Variants in CIDEC observed in about 807,000 individuals in gnomAD.
CIDEC encodes cell death inducing DFFA like effector c.
CIDEC carries 11 observed loss-of-function variants against 21.9 expected under a neutral mutation model. The observed-to-expected ratio is 0.50, with a 90% CI of 0.32 to 0.83. The LOEUF (loss-of-function observed/expected upper bound fraction) is 0.83. Among genes scored for constraint, CIDEC ranks in the 40% least tolerant of loss-of-function variants. The pLI, the probability that CIDEC is intolerant of heterozygous loss-of-function variation, is 0.04. For missense variants in CIDEC, 302 were observed against 302.3 expected (o/e 1.00, Z 0.01); for synonymous variants, 127 against 124.9 (o/e 1.02, Z -0.11).
intron 4 of CIDEC, among the ~76,000 whole-genome samples, chr3:9,871,173 A>ATTT (rs59917579): frequency 6.5e-4 from 78 of 120,142 alleles, no homozygotes; most frequent in South Asian, 1.0e-3. Flanking sequence ...TCTATGTTTA[A>ATTT]TTTTTTTTTT....
chr3:9,867,756 C>T (rs1559246825), intron 6 of CIDEC, among the ~76,000 whole-genome samples: 1 of 152,058 alleles, frequency 6.6e-6, no homozygotes, highest in Non-Finnish European at 1.5e-5. Flanking sequence ...GGCGAAACCC[C>T]GTCTCTACTA....
At chr3:9,869,766 C>T (rs2082319828) in intron 6 of CIDEC, 116 bp downstream of exon 6, 2 of 945,808 alleles carry the variant, frequency 2.1e-6, no homozygotes, top group Non-Finnish European at 1.7e-6. Context: ...ACAGGCTATG[C>T]TTTGTCAGCA....
rs1245988258 is a variant in CIDEC, at chr3:9,867,634, CA to C, written c.555-339del. Among the ~76,000 whole-genome samples the C allele has an allele frequency of 1.5e-4, 22 of 147,542 alleles. No individual in the cohort carries two copies. The South Asian group carries it at 4.8e-3, about 32-fold the overall frequency. ...GATTCAGTCTCAAAAAACAATCAAA[CA>C]AAAAACACAAGGCTGGGCTTGGTGG... is the stretch of plus-strand genomic sequence containing the variant. On this transcript the variant is annotated intron_variant, in intron 6 of 6. Transcript: ENST00000336832.
intron 3 of CIDEC, 77 bp from the exon 4 acceptor site, chr3:9,877,296 C>T: frequency 7.2e-7 from 1 of 1,392,924 alleles, no homozygotes; most frequent in South Asian, 1.2e-5. Context: ...GCCACCTCCC[C>T]ACCCCTCCTG....
intron 4 of CIDEC, among the ~76,000 whole-genome samples, chr3:9,873,159 T>G (rs1419056770): frequency 2.0e-5 from 3 of 152,162 alleles, no homozygotes; most frequent in African/African-American, 4.8e-5. Flanking sequence ...GTCAAGGCCA[T>G]GAAGACTTAC....
rs758769971 is a variant in CIDEC, at chr3:9,878,504, C to G, written c.-18G>C. On this transcript the variant is annotated 5_prime_UTR_variant, in exon 3 of 7. Transcript: ENST00000336832. ...TATTCCATCCTTGTCAGCTGGACTG[C>G]GTTGGACCTGGGAAGGAGGCAGAAA... is the stretch of plus-strand genomic sequence containing the variant. 2 of 1,613,562 alleles carry G rather than the reference C, an allele frequency of 1.2e-6. No homozygotes were observed. Among genetic ancestry groups the G allele is most frequent in the Non-Finnish European group, 1.7e-6 (2 of 1,179,618 alleles).
chr3:9,878,722 G>A lies in CIDEC; in HGVS notation c.-25-211C>T, dbSNP rs11915736. The A allele has an allele frequency of 2.6e-3, 3,988 of 1,531,792 alleles. 86 individuals are homozygous for A. The African/African-American group carries it at 0.046, about 18-fold the overall frequency. 94.9% of individuals were successfully genotyped at this position (1,531,792 alleles called of 1,614,324 possible). ...TGGAGACCCCACCCCTCTCCCCACC[G>A]GGTGCTCAGGCTCAGCCTCACTCAG... On this transcript the variant is annotated intron_variant, in intron 2 of 6. Coordinates refer to ENST00000336832, the MANE Select transcript of CIDEC (RefSeq NM_001321142.2).
chr3:9,869,005 G>A (rs1209740030), intron 6 of CIDEC, among the ~76,000 whole-genome samples: 1 of 152,040 alleles, frequency 6.6e-6, no homozygotes, highest in Non-Finnish European at 1.5e-5. Flanking sequence ...ACACACGGGC[G>A]TGTGATAAAG....
chr3:9,879,159 G>T (rs1484639036), intron 1 of CIDEC, 105 bp from the exon 2 acceptor site: 8 of 80,622 alleles, frequency 9.9e-5, no homozygotes, highest in South Asian at 3.3e-4. Flanking sequence ...TTCAGGAGCT[G>T]AATTTTTTTT....
At chr3:9,870,135 C>T in intron 5 of CIDEC, 29 bp downstream of exon 5, 1 of 1,614,132 alleles carries the variant, frequency 6.2e-7, no homozygotes, top group Non-Finnish European at 8.5e-7. Flanking sequence ...GATTTTCTCC[C>T]CCATCAGGTG....
At position 9,877,221 on chromosome 3, in the gene CIDEC, T is replaced by C. The variant is rs1429444328; in HGVS notation, c.54-2A>G. On this transcript the variant is annotated splice_acceptor_variant, in intron 3 of 6. Transcript: ENST00000336832. LOFTEE classifies it high-confidence loss of function. Reference sequence around the variant, plus strand: ...ACAGAGGTACGCACTGACACATGCCTGGGGCAGTTGAAGCATCAGGGTGAG... The same window carrying C: ...ACAGAGGTACGCACTGACACATGCCCGGGGCAGTTGAAGCATCAGGGTGAG... 1.9e-6 allele frequency: 3 copies of C among 1,549,964 alleles called. No homozygotes were observed. Among genetic ancestry groups the C allele is most frequent in the Non-Finnish European group, 2.6e-6 (3 of 1,146,976 alleles).
Position 9,879,051 on chromosome 3 carries a change from C to A in CIDEC, c.-135G>T. 1 of 577,426 alleles carries A rather than the reference C, an allele frequency of 1.7e-6. No individual in the cohort carries two copies. Among genetic ancestry groups the A allele is most frequent in the Non-Finnish European group, 3.1e-6 (1 of 322,472 alleles). 35.8% of individuals were successfully genotyped at this position (577,426 alleles called of 1,614,324 possible). A position where few individuals can be genotyped will look rare whatever the true frequency, so the allele number is the denominator to read the frequency against. On this transcript the variant is annotated 5_prime_UTR_variant, in exon 2 of 7. The change abolishes an upstream ATG in the 5' untranslated region. Transcript: ENST00000336832. ...TGAGGCTTCACAGTGGCCAAAAGAA[C>A]ATTCTGTGATGATAGAGGCATGCCT...
chr3:9,870,218 AT>A lies in CIDEC; in HGVS notation c.311del (p.Asp104ValfsTer40). The A allele has an allele frequency of 5.0e-6, 8 of 1,614,100 alleles. No homozygotes were observed. Among genetic ancestry groups the A allele is most frequent in the Non-Finnish European group, 5.9e-6 (7 of 1,180,020 alleles). ...CCTTCTGGAGGACCATGAACACTGT[AT>A]CCCCTGCCAGGGCTTGGAAGTACTC... ...TEEYFQALAG[D>X]TVFMVLQKGQ... On this transcript the variant is annotated frameshift_variant, in exon 5 of 7. Transcript: ENST00000336832. LOFTEE classifies it high-confidence loss of function.
At chr3:9,878,903 A>G in intron 2 of CIDEC, 39 bp downstream of exon 2, 1 of 1,210,016 alleles carries the variant, frequency 8.3e-7, no homozygotes, top group Non-Finnish European at 1.2e-6. Context: ...GCAGGAGGTG[A>G]GTCACACCAC....
At chr3:9,873,936 C>T (rs1575452742) in intron 4 of CIDEC, among the ~76,000 whole-genome samples, 2 of 152,024 alleles carry the variant, frequency 1.3e-5, no homozygotes, top group South Asian at 4.2e-4. Flanking sequence ...AGCAACACAC[C>T]AATAGCAATG....
rs113687855 is a variant in CIDEC at position 9,867,011 on chromosome 3, C to T, written c.*123G>A. The T allele has an allele frequency of 5.5e-3, 5,789 of 1,059,322 alleles. 15 individuals carry two copies. The highest frequency in any genetic ancestry group is 8.9e-3 in the African/African-American group (570 of 64,396). The allele number at this position is 1,059,322 out of a possible 1,614,324, so 65.6% of individuals were successfully genotyped here. On this transcript the variant is annotated 3_prime_UTR_variant, in exon 7 of 7. Transcript: ENST00000336832. ...CTCCTCCTCCTCACTCAGGGTCCTG[C>T]GCGGTGAGGGAGGTGTGGGGAGGTT...
rs73013406 is a variant in CIDEC, at chr3:9,876,886, C to T, written c.207+180G>A. On this transcript the variant is annotated intron_variant, in intron 4 of 6. Transcript: ENST00000336832. Reference sequence around the variant, plus strand: ...TAGGATGGTAACGTACTGCCCCCCTCCTGTTACCAAACAGACATCAGTCAT... The same window carrying T: ...TAGGATGGTAACGTACTGCCCCCCTTCTGTTACCAAACAGACATCAGTCAT... Among the ~76,000 whole-genome samples the T allele has an allele frequency of 0.098, 14,864 of 152,176 alleles. 825 individuals are homozygous for T. The highest frequency in any genetic ancestry group is 0.16 in the South Asian group (752 of 4,824).
intron 4 of CIDEC, among the ~76,000 whole-genome samples, chr3:9,874,887 T>C (rs1434042899): frequency 2.6e-5 from 4 of 152,166 alleles, no homozygotes; most frequent in Middle Eastern, 3.4e-3. Flanking sequence ...CACACCACCA[T>C]GTCCAGCTAA....
At position 9,866,778 on chromosome 3, in the gene CIDEC, A is replaced by G; in HGVS notation, c.*356T>C. The stretch of plus-strand genomic sequence containing the variant: ...TGCTAGTGCGCTTGCGAATTCACTC[A>G]GGAATGTTCCGGGATGGGGGCCAGA... On this transcript the variant is annotated 3_prime_UTR_variant, in exon 7 of 7. Coordinates refer to ENST00000336832, the MANE Select transcript of CIDEC (RefSeq NM_001321142.2). 3 of 549,384 alleles carry G rather than the reference A, an allele frequency of 5.5e-6. No individual in the cohort carries two copies. The highest frequency in any genetic ancestry group is 9.8e-6 in the Non-Finnish European group (3 of 305,688). 34.0% of individuals were successfully genotyped at this position (549,384 alleles called of 1,614,324 possible). A position where few individuals can be genotyped will look rare whatever the true frequency, so the allele number is the denominator to read the frequency against.
Sources: gnomAD v4.1 joint callset for allele counts (sites outside exome capture counted in the v4.1 genomes callset) on GRCh38, gnomAD v4.1.1 for gene constraint, MANE v1.5 for transcripts, NCBI Gene and HGNC (gene_info 2026-07-23, HGNC 2026-07-21) for gene names.